The following PATL1 variants were observed in gnomAD, a reference collection of about 807,000 sequenced individuals.
PATL1 encodes protein PAT1 homolog 1.
In PATL1, 32 loss-of-function variants were observed where a neutral mutation model predicts 100.6. The observed-to-expected ratio is 0.32, with a 90% confidence interval of 0.24 to 0.43. The LOEUF is 0.43. Ranked by LOEUF, PATL1 falls within the 20% of genes least tolerant of loss-of-function variation. The probability of loss-of-function intolerance (pLI) is 1.00; values close to 1 mark genes in which losing one functional copy is unlikely to be tolerated. For synonymous variants in PATL1, 332 were observed against 330.0 expected, an observed-to-expected ratio of 1.01 and a Z score of -0.07; for missense variants, 747 against 949.9, an observed-to-expected ratio of 0.79 and a Z score of 2.81.
chr11:59,650,836 A>G, intron 12 of PATL1, 23 bp from the exon 13 acceptor site: 1 of 1,496,022 alleles, frequency 6.7e-7, no homozygotes, highest in Non-Finnish European at 9.1e-7. Flanking sequence ...AGACTATTCA[A>G]TGCAAATTCT....
At chr11:59,668,590 G>A (rs552124406) in intron 1 of PATL1, among the ~76,000 whole-genome samples, 123 of 152,128 alleles carry the variant, frequency 8.1e-4, no homozygotes, top group African/African-American at 2.9e-3. Flanking sequence ...GGCTCCTCTA[G>A]GGGTGGGGGC....
intron 2 of PATL1, among the ~76,000 whole-genome samples, chr11:59,660,266 C>T (rs1398480502): frequency 6.6e-6 from 1 of 152,068 alleles, no homozygotes; most frequent in Non-Finnish European, 1.5e-5. Flanking sequence ...TGTGACAAGC[C>T]CTGTTTTAGA....
At chr11:59,657,401 C>T in intron 5 of PATL1, 129 bp downstream of exon 5, 1 of 826,168 alleles carries the variant, frequency 1.2e-6, no homozygotes, top group Non-Finnish European at 1.8e-6. Context: ...TCTCCTCTAA[C>T]TAGCTATTTT....
At chr11:59,660,943 GCA>G (rs1369293041) in intron 2 of PATL1, among the ~76,000 whole-genome samples, 3 of 152,148 alleles carry the variant, frequency 2.0e-5, no homozygotes, top group African/African-American at 7.2e-5. Flanking sequence ...TCCCATTACA[GCA>G]CAGATTACAA....
chr11:59,654,275 G>A (rs147606623), intron 8 of PATL1, among the ~76,000 whole-genome samples: 5,583 of 152,006 alleles, frequency 0.037, 139 homozygotes, highest in Non-Finnish European at 0.043. Context: ...TCAGGAGTTC[G>A]AGACCAGCCT....
Position 59,636,820 on chromosome 11 carries a change from G to A in PATL1, c.*1570C>T, listed in dbSNP as rs551901458. ...AACCAATCCAAACAAAAAAGATAAA[G>A]CACAGTAAGGAAGAGATAATAATCA... On this transcript the variant is annotated 3_prime_UTR_variant, in exon 19 of 19. Transcript: ENST00000300146. The A allele has an allele frequency of 4.3e-4, 66 of 152,562 alleles. No individual in the cohort carries two copies. Among genetic ancestry groups the A allele is most frequent in the African/African-American group, 1.5e-3 (63 of 41,516 alleles). 9.5% of individuals were successfully genotyped at this position (152,562 alleles called of 1,614,324 possible).
rs566581086 is a variant in PATL1, at chr11:59,647,547, T to C, written c.1893+207A>G. ...TAAGAGGGAATTGTTGTTTTTCTCA[T>C]GTTTAGAAACATAGTCTGTTCCATC... On this transcript the variant is annotated intron_variant, in intron 15 of 18. Transcript: ENST00000300146. 3.9e-5 allele frequency among the ~76,000 whole-genome samples: 6 copies of C among 152,348 alleles called. No individual in the cohort carries two copies. The South Asian group carries it at 1.2e-3, about 32-fold the overall frequency.
At chr11:59,655,934 G>A (rs1428788997) in intron 7 of PATL1, 22 bp downstream of exon 7, 1 of 1,539,570 alleles carries the variant, frequency 6.5e-7, no homozygotes, top group Non-Finnish European at 8.9e-7. Context: ...TTCTTTATGG[G>A]TAGGGCTAAT....
intron 9 of PATL1, 50 bp from the exon 10 acceptor site, chr11:59,653,068 T>C (rs1437729052): frequency 6.7e-7 from 1 of 1,500,000 alleles, no homozygotes; most frequent in Non-Finnish European, 9.0e-7. Context: ...TAATTACGCT[T>C]TTTAACAACA....
chr11:59,642,318 A>G (rs745789589), intron 16 of PATL1, among the ~76,000 whole-genome samples: 2 of 152,240 alleles, frequency 1.3e-5, no homozygotes, highest in African/African-American at 4.8e-5. Context: ...ATTGCCTAAT[A>G]TGCCTTCCTA....
chr11:59,640,004 C>T (rs968734263), intron 16 of PATL1: 2 of 152,230 alleles, frequency 1.3e-5, no homozygotes, highest in African/African-American at 2.4e-5. Context: ...GATGTATACA[C>T]CGTATCTATA....
chr11:59,661,206 C>T (rs1861620362), intron 2 of PATL1, among the ~76,000 whole-genome samples: 1 of 152,174 alleles, frequency 6.6e-6, no homozygotes, highest in African/African-American at 2.4e-5. Flanking sequence ...CAACCTCAGC[C>T]TCCCAAGTAA....
At position 59,647,747 on chromosome 11, in the gene PATL1, T is replaced by C. The variant is rs980770831; in HGVS notation, c.1893+7A>G. 1.8e-5 allele frequency: 29 copies of C among 1,613,636 alleles called. No homozygotes were observed. The Admixed American group carries it at 3.2e-4, about 18-fold the overall frequency. ...CAAAAGAAAGATGTCCCATCTTGCA[T>C]AGTCACCTCATCTTGTGCATCCTTC... is the stretch of plus-strand genomic sequence containing the variant. On this transcript the variant is annotated splice_region_variant and intron_variant, in intron 15 of 18. Transcript: ENST00000300146.
At chr11:59,651,882 T>C (rs1045800619) in intron 11 of PATL1, among the ~76,000 whole-genome samples, 1 of 151,512 alleles carries the variant, frequency 6.6e-6, no homozygotes, top group Non-Finnish European at 1.5e-5. Context: ...CTGGCCAACA[T>C]AGCGAAACCC....
chr11:59,642,840 A>C, intron 16 of PATL1, 40 bp downstream of exon 16: 1 of 1,566,682 alleles, frequency 6.4e-7, no homozygotes, highest in Non-Finnish European at 8.7e-7. Context: ...GCAAATTAAG[A>C]CATTTCACAA....
Position 59,649,524 on chromosome 11 carries a change from G to A in PATL1, c.1671C>T (p.Asp557=). The A allele has an allele frequency of 6.2e-7, 1 of 1,613,872 alleles. No individual in the cohort carries two copies. Among genetic ancestry groups the A allele is most frequent in the African/African-American group, 1.3e-5 (1 of 75,024 alleles). ...LEEERPALMD[D]RKHKICSMYD... ...ACATGCTACAAATTTTGTGCTTTCT[G>A]TCATCCATTAGGGCAGGTCGCTCTT... The change falls in exon 14 of 19, where the codon GAC becomes GAT. Residue 557 remains aspartate, a synonymous_variant. Transcript: ENST00000300146.
Position 59,652,950 on chromosome 11 carries a change from C to T in PATL1, c.1190G>A (p.Arg397Gln), listed in dbSNP as rs561374119. The T allele has an allele frequency of 5.0e-5, 80 of 1,613,958 alleles. No homozygotes were observed. Among genetic ancestry groups the T allele is most frequent in the African/African-American group, 3.6e-4 (27 of 75,046 alleles). ...CATGAGATTGGCATATGGATCCTTT[C>T]GGAGATGATCTTGATGACTGCTCCG... ...SHRSSHQDHLRKDPYANLMLQ... is the reference protein window; with the variant it reads ...SHRSSHQDHLQKDPYANLMLQ... Residue 397 changes from arginine (R) to glutamine (Q), a missense_variant, in exon 10 of 19, where the codon CGA (arginine) becomes CAA (glutamine). Physicochemically the swap from Arg to Gln is conservative, Grantham distance 43. This residue lies in a region of PATL1 where 434 missense variants were observed against 596.1 expected (regional missense o/e 0.73). Coordinates refer to ENST00000300146, the MANE Select transcript of PATL1 (RefSeq NM_152716.3).
Position 59,638,255 on chromosome 11 carries a change from A to C in PATL1, c.*135T>G. ...TGACATTTAGAGAGACAACCCCTGT[A>C]AACAGGAATCGATCCCACAAGACTT... On this transcript the variant is annotated 3_prime_UTR_variant, in exon 19 of 19. Coordinates refer to ENST00000300146, the MANE Select transcript of PATL1 (RefSeq NM_152716.3). 1 of 868,190 alleles carries C rather than the reference A, an allele frequency of 1.2e-6. No individual in the cohort carries two copies. Among genetic ancestry groups the C allele is most frequent in the Non-Finnish European group, 1.9e-6 (1 of 538,058 alleles). 53.8% of individuals were successfully genotyped at this position (868,190 alleles called of 1,614,324 possible).
intron 2 of PATL1, among the ~76,000 whole-genome samples, chr11:59,663,232 T>TA (rs140332153): frequency 0.023 from 3,432 of 152,256 alleles, 125 homozygotes; most frequent in African/African-American, 0.079. Context: ...TATACTCTGA[T>TA]ACGGGTTACT....
Sources: gnomAD v4.1 joint callset for allele counts (sites outside exome capture counted in the v4.1 genomes callset) on GRCh38, gnomAD v4.1.1 for gene constraint, gnomAD v4.1.1 regional missense constraint, MANE v1.5 for transcripts, NCBI Gene and HGNC (gene_info 2026-07-23, HGNC 2026-07-21) for gene names.